The following AGMO variants were observed in gnomAD, a reference collection of about 807,000 sequenced individuals.
AGMO encodes alkylglycerol monooxygenase.
In AGMO, 75 loss-of-function variants were observed where a neutral mutation model predicts 60.2. The ratio of observed to expected loss-of-function variants is 1.25; its 90% CI spans 1.03 to 1.51. AGMO has a LOEUF of 1.51. Among genes scored for constraint, AGMO ranks in the 40% most tolerant of loss-of-function variants. The probability of loss-of-function intolerance (pLI) is 0.00; values close to 1 mark genes in which losing one functional copy is unlikely to be tolerated. For missense variants in AGMO, 763 were observed against 525.5 expected (o/e 1.45, Z -4.42); for synonymous variants, 261 against 177.1 (o/e 1.47, Z -3.76).
intron 12 of AGMO, among the ~76,000 whole-genome samples, chr7:15,238,676 GA>G (rs1332076180): frequency 6.6e-6 from 1 of 151,702 alleles, no homozygotes; most frequent in Non-Finnish European, 1.5e-5. Flanking sequence ...ATTATATGTG[GA>G]AAATGAAGGA....
At chr7:15,383,665 A>G (rs1441339046) in intron 10 of AGMO, among the ~76,000 whole-genome samples, 1 of 152,032 alleles carries the variant, frequency 6.6e-6, no homozygotes, top group Non-Finnish European at 1.5e-5. Flanking sequence ...ATTATTTATT[A>G]ATTTCTTTTA....
At position 15,561,124 on chromosome 7, in the gene AGMO, A is replaced by G. The variant is rs61575161; in HGVS notation, c.126+596T>C. 0.013 allele frequency among the ~76,000 whole-genome samples: 1,967 copies of G among 152,076 alleles called. 76 individuals are homozygous for G. In the East Asian group the frequency reaches 0.15, roughly 12 times the overall value. ...AGTGAGTGTTGTAGGAATAACTTTG[A>G]TAGGGTGGGGAACTTCAGTATTCAA... On this transcript the variant is annotated intron_variant, in intron 1 of 12. Transcript: ENST00000342526.
At chr7:15,318,767 CTT>C (rs1304637311) in intron 12 of AGMO, among the ~76,000 whole-genome samples, 1 of 151,880 alleles carries the variant, frequency 6.6e-6, no homozygotes, top group African/African-American at 2.4e-5. Flanking sequence ...CAATTTTTTT[CTT>C]TGTTTTTATC....
chr7:15,461,301 TA>T (rs1302812425), intron 3 of AGMO, among the ~76,000 whole-genome samples: 4 of 151,166 alleles, frequency 2.6e-5, no homozygotes, highest in East Asian at 1.9e-4. Context: ...CTTCCATATG[TA>T]AAAAAAACTT....
chr7:15,350,753 T>C lies in AGMO; in HGVS notation c.1263+14761A>G, dbSNP rs1376262725. On this transcript the variant is annotated intron_variant, in intron 12 of 12. Transcript: ENST00000342526. ...TTTCCTTTCTGTGACAATTTGATCA[T>C]AGGGAAGTAAATTCCAGAATATTGT... 2.0e-5 allele frequency among the ~76,000 whole-genome samples: 3 copies of C among 152,212 alleles called. 1 individual carries two copies. Among genetic ancestry groups the C allele is most frequent in the Non-Finnish European group, 4.4e-5 (3 of 68,032 alleles).
chr7:15,532,879 T>G (rs1162321983), intron 3 of AGMO, among the ~76,000 whole-genome samples: 2 of 152,104 alleles, frequency 1.3e-5, no homozygotes, highest in African/African-American at 4.8e-5. Flanking sequence ...CAGACACAGC[T>G]ACTCAGGAGG....
intron 12 of AGMO, among the ~76,000 whole-genome samples, chr7:15,275,127 G>C (rs1455688914): frequency 6.6e-6 from 1 of 151,956 alleles, no homozygotes; most frequent in East Asian, 1.9e-4. Flanking sequence ...GTTTCTGGAG[G>C]TGCAAAGTTA....
At chr7:15,403,651 T>C (rs965578138) in intron 5 of AGMO, among the ~76,000 whole-genome samples, 1 of 152,110 alleles carries the variant, frequency 6.6e-6, no homozygotes, top group Non-Finnish European at 1.5e-5. Flanking sequence ...CATATTAAAA[T>C]AGTTTCTTGT....
At chr7:15,392,611 C>T (rs1245636222) in intron 6 of AGMO, among the ~76,000 whole-genome samples, 1 of 151,992 alleles carries the variant, frequency 6.6e-6, no homozygotes, top group Non-Finnish European at 1.5e-5. Flanking sequence ...CCAGCCTGAC[C>T]AACATGGTGA....
chr7:15,312,980 A>C (rs1780812325), intron 12 of AGMO, among the ~76,000 whole-genome samples: 1 of 152,130 alleles, frequency 6.6e-6, no homozygotes, highest in Non-Finnish European at 1.5e-5. Context: ...AGAATTTCTG[A>C]ATAATGAATT....
chr7:15,341,973 A>G (rs1781863514), intron 12 of AGMO, among the ~76,000 whole-genome samples: 1 of 151,946 alleles, frequency 6.6e-6, no homozygotes, highest in African/African-American at 2.4e-5. Context: ...ACGTAGGGAT[A>G]ATGGGAGTTA....
chr7:15,372,296 C>CAA (rs1783252699), intron 10 of AGMO, among the ~76,000 whole-genome samples: 1 of 151,880 alleles, frequency 6.6e-6, no homozygotes. Flanking sequence ...ACTAAAAATA[C>CAA]AAAAATTAGC....
At chr7:15,300,426 C>T (rs140305286) in intron 12 of AGMO, among the ~76,000 whole-genome samples, 1 of 152,074 alleles carries the variant, frequency 6.6e-6, no homozygotes, top group Non-Finnish European at 1.5e-5. Flanking sequence ...ATTAAATTAT[C>T]ACAGTTGTAC....
intron 3 of AGMO, among the ~76,000 whole-genome samples, chr7:15,539,362 T>A (rs912418506): frequency 1.3e-5 from 2 of 152,142 alleles, no homozygotes. Context: ...GTTCTCGTTG[T>A]ATAGCTCCCA....
At chr7:15,373,915 A>G (rs565612746) in intron 10 of AGMO, among the ~76,000 whole-genome samples, 4 of 152,208 alleles carry the variant, frequency 2.6e-5, no homozygotes, top group South Asian at 4.1e-4. Flanking sequence ...AATGAGGCTA[A>G]TATTGCCTAA....
intron 12 of AGMO, among the ~76,000 whole-genome samples, chr7:15,290,552 G>A (rs1784234250): frequency 6.6e-6 from 1 of 152,046 alleles, no homozygotes. Context: ...GCTTTCTGTT[G>A]TTCTAAGTGA....
At chr7:15,155,438 T>G in the AGMO span, among the ~76,000 whole-genome samples, 1 of 143,766 alleles carries the variant, frequency 7.0e-6, no homozygotes, top group South Asian at 2.2e-4. Flanking sequence ...TTTTTTTTTT[T>G]TTTTTTTTTT....
At chr7:15,210,780 T>G (rs559699909) in intron 12 of AGMO, among the ~76,000 whole-genome samples, 2 of 152,210 alleles carry the variant, frequency 1.3e-5, no homozygotes, top group Admixed American at 6.5e-5. Flanking sequence ...TGTGATAATT[T>G]TCTTTCCTCC....
intron 3 of AGMO, among the ~76,000 whole-genome samples, chr7:15,528,802 C>T (rs771510739): frequency 5.9e-5 from 9 of 152,132 alleles, no homozygotes; most frequent in Non-Finnish European, 1.2e-4. Flanking sequence ...GCATGCGCCA[C>T]CACACCCGGC....
Sources: allele counts gnomAD v4.1 joint callset (sites outside exome capture counted in the v4.1 genomes callset), GRCh38; gene constraint gnomAD v4.1.1; transcripts MANE v1.5; gene names NCBI Gene and HGNC (gene_info 2026-07-23, HGNC 2026-07-21).